The following POU6F2 variants were observed in gnomAD, a reference collection of about 807,000 sequenced individuals.
POU6F2 encodes POU class 6 homeobox 2.
POU6F2 carries 31 observed loss-of-function variants against 71.3 expected under a neutral mutation model. That is an observed-to-expected ratio of 0.43 (90% CI 0.33 to 0.59). POU6F2 has a LOEUF of 0.59. POU6F2 is among the 20% of genes least tolerant of loss of function. The pLI is 0.04. For missense variants in POU6F2, 783 were observed against 856.8 expected, an observed-to-expected ratio of 0.91 and a Z score of 1.07; for synonymous variants, 347 against 355.7, an observed-to-expected ratio of 0.98 and a Z score of 0.27.
chr7:39,262,181 A>G (rs1208339300), intron 4 of POU6F2, among the ~76,000 whole-genome samples: 2 of 152,328 alleles, frequency 1.3e-5, no homozygotes, highest in East Asian at 3.9e-4. Flanking sequence ...ACAGTGGTTC[A>G]TAAGGTTCCT....
intron 5 of POU6F2, among the ~76,000 whole-genome samples, chr7:39,342,044 A>G (rs1785929325): frequency 6.6e-6 from 1 of 152,178 alleles, no homozygotes; most frequent in African/African-American, 2.4e-5. Flanking sequence ...TTCATTTTTG[A>G]AGTTTTAACT....
intron 4 of POU6F2, among the ~76,000 whole-genome samples, chr7:39,232,233 T>G (rs1794591071): frequency 6.6e-6 from 1 of 152,206 alleles, no homozygotes. Flanking sequence ...TCTTTACATG[T>G]TCTTCTGATA....
chr7:38,981,794 G>A (rs1788322746), intron 1 of POU6F2, among the ~76,000 whole-genome samples: 1 of 152,154 alleles, frequency 6.6e-6, no homozygotes, highest in Non-Finnish European at 1.5e-5. Context: ...GTGTTGTAAA[G>A]TTGTACATCA....
chr7:39,040,587 A>G (rs908028448), intron 1 of POU6F2, among the ~76,000 whole-genome samples: 1 of 151,944 alleles, frequency 6.6e-6, no homozygotes, highest in East Asian at 1.9e-4. Flanking sequence ...CTGGAAAAAA[A>G]TGTAGAAAAT....
chr7:39,160,373 T>TC (rs1792969465), intron 2 of POU6F2, among the ~76,000 whole-genome samples: 1 of 152,148 alleles, frequency 6.6e-6, no homozygotes, highest in Non-Finnish European at 1.5e-5. Context: ...CTTGTACTTT[T>TC]CCGTCCCACA....
chr7:39,323,494 A>T (rs958793843), intron 4 of POU6F2, among the ~76,000 whole-genome samples: 1 of 152,092 alleles, frequency 6.6e-6, no homozygotes, highest in African/African-American at 2.4e-5. Flanking sequence ...CTGGCTGTGG[A>T]TGGCCATGCA....
At chr7:39,068,709 A>T (rs183333271) in intron 1 of POU6F2, among the ~76,000 whole-genome samples, 2 of 152,326 alleles carry the variant, frequency 1.3e-5, no homozygotes, top group African/African-American at 4.8e-5. Context: ...ACAGGAACTC[A>T]TGAAAAGTTT....
chr7:39,181,578 G>A lies in POU6F2; in HGVS notation c.278-22657G>A, dbSNP rs562702194. On this transcript the variant is annotated intron_variant, in intron 2 of 9. Coordinates refer to ENST00000518318, the MANE Select transcript of POU6F2 (RefSeq NM_001370959.1). ...AATCATTCAACTCATTACACAACTTGCGCAACTTTGCAGATTGGAGCCACA... is the reference window on the plus strand; with the variant it reads ...AATCATTCAACTCATTACACAACTTACGCAACTTTGCAGATTGGAGCCACA... 3.9e-5 allele frequency among the ~76,000 whole-genome samples: 6 copies of A among 152,228 alleles called. No homozygotes were observed. The East Asian group carries it at 1.2e-3, about 29-fold the overall frequency.
chr7:38,985,177 A>G (rs1410875096), intron 1 of POU6F2, among the ~76,000 whole-genome samples: 1 of 152,152 alleles, frequency 6.6e-6, no homozygotes, highest in Non-Finnish European at 1.5e-5. Flanking sequence ...GACACACAAT[A>G]GTAGGGACTA....
rs188113670 is a variant in POU6F2, at chr7:39,029,794, G to A, written c.105+51736G>A. ...ATGCTTTTTCTGTATACATTAAAAT[G>A]ATCACATAATTGTTCATCTTTAAAT... On this transcript the variant is annotated intron_variant, in intron 1 of 9. Transcript: ENST00000518318. 2.2e-3 allele frequency among the ~76,000 whole-genome samples: 332 copies of A among 152,066 alleles called. 3 individuals carry two copies. The highest frequency in any genetic ancestry group is 1.8e-3 in the Non-Finnish European group (119 of 67,986).
intron 2 of POU6F2, among the ~76,000 whole-genome samples, chr7:39,166,140 G>A (rs970066699): frequency 6.6e-6 from 1 of 152,130 alleles, no homozygotes; most frequent in Non-Finnish European, 1.5e-5. Flanking sequence ...ACACAAACAA[G>A]ATATTTCACC....
chr7:39,019,573 C>A (rs765152183), intron 1 of POU6F2, among the ~76,000 whole-genome samples: 2 of 151,836 alleles, frequency 1.3e-5, no homozygotes, highest in African/African-American at 2.4e-5. Context: ...CTACCTCTTT[C>A]TAGAGCTACT....
intron 7 of POU6F2, among the ~76,000 whole-genome samples, chr7:39,447,437 C>T (rs1420770650): frequency 1.3e-5 from 2 of 152,152 alleles, no homozygotes; most frequent in Non-Finnish European, 2.9e-5. Context: ...GGAGTGCTGG[C>T]TCTTGAGTCA....
intron 1 of POU6F2, among the ~76,000 whole-genome samples, chr7:38,992,434 G>T (rs1300480413): frequency 6.6e-6 from 1 of 152,146 alleles, no homozygotes; most frequent in Non-Finnish European, 1.5e-5. Context: ...CACCACCATG[G>T]TATCCAGCAG....
intron 2 of POU6F2, among the ~76,000 whole-genome samples, chr7:39,087,420 T>G (rs1791276885): frequency 6.6e-6 from 1 of 152,078 alleles, no homozygotes; most frequent in Non-Finnish European, 1.5e-5. Flanking sequence ...ATCCCTTCTT[T>G]GAAAAGCAGC....
At chr7:39,163,106 T>C (rs1162569073) in intron 2 of POU6F2, among the ~76,000 whole-genome samples, 1 of 152,236 alleles carries the variant, frequency 6.6e-6, no homozygotes, top group Non-Finnish European at 1.5e-5. Context: ...AAATGCAATG[T>C]GTCAAAGAGT....
chr7:39,030,222 C>G (rs1173944619), intron 1 of POU6F2, among the ~76,000 whole-genome samples: 2 of 151,696 alleles, frequency 1.3e-5, no homozygotes, highest in Non-Finnish European at 2.9e-5. Context: ...TTCATGCATT[C>G]TATCCCTTTC....
chr7:39,210,197 G>A (rs1437458471), intron 4 of POU6F2, among the ~76,000 whole-genome samples: 1 of 152,150 alleles, frequency 6.6e-6, no homozygotes, highest in Non-Finnish European at 1.5e-5. Flanking sequence ...GTGAGGGGCA[G>A]GTTTCATACC....
intron 4 of POU6F2, among the ~76,000 whole-genome samples, chr7:39,325,574 C>T (rs1440941653): frequency 6.6e-6 from 1 of 152,226 alleles, no homozygotes; most frequent in East Asian, 1.9e-4. Flanking sequence ...GAATCAGCCA[C>T]TGCATCTTTG....
Sources: allele counts gnomAD v4.1 joint callset (sites outside exome capture counted in the v4.1 genomes callset), GRCh38; gene constraint gnomAD v4.1.1; transcripts MANE v1.5; gene names NCBI Gene and HGNC (gene_info 2026-07-23, HGNC 2026-07-21).